CSRNP1: variants seen among roughly 807,000 people sequenced by gnomAD.
CSRNP1 encodes the protein cysteine and serine rich nuclear protein 1.
In CSRNP1, 8 loss-of-function variants were observed where a neutral mutation model predicts 25.0. The ratio of observed to expected loss-of-function variants is 0.32; its 90% CI spans 0.19 to 0.58. The LOEUF is 0.58. Ranked by LOEUF, CSRNP1 falls within the 20% of genes least tolerant of loss-of-function variation. The pLI is 0.88. For missense variants in CSRNP1, 691 were observed against 773.1 expected (o/e 0.89, Z 1.26); for synonymous variants, 305 against 303.1 (o/e 1.01, Z -0.06).
intron 1 of CSRNP1, chr3:39,149,244 T>A (rs2125888071): frequency 6.6e-6 from 1 of 152,020 alleles, no homozygotes; most frequent in South Asian, 2.1e-4. Flanking sequence ...AAGGCAGAAC[T>A]ACTCTGTGAT....
intron 2 of CSRNP1, among the ~76,000 whole-genome samples, chr3:39,145,827 ATT>A (rs2039500871): frequency 6.6e-6 from 1 of 152,252 alleles, no homozygotes. Flanking sequence ...TAAAAATTAT[ATT>A]CTTTTTATGT....
intron 2 of CSRNP1, among the ~76,000 whole-genome samples, chr3:39,145,654 T>C (rs1199052542): frequency 3.3e-5 from 5 of 152,260 alleles, no homozygotes; most frequent in African/African-American, 1.2e-4. Context: ...TAGTAAGCTA[T>C]GTACTGGTAT....
chr3:39,153,196 T>G (rs529456786), intron 1 of CSRNP1: 1 of 151,846 alleles, frequency 6.6e-6, no homozygotes, highest in East Asian at 2.0e-4. Flanking sequence ...AGCCGTGACT[T>G]CTCTCGGGGT....
chr3:39,152,072 G>A (rs146834546), intron 1 of CSRNP1: 1 of 152,610 alleles, frequency 6.6e-6, no homozygotes, highest in African/African-American at 2.4e-5. Flanking sequence ...CCCTCTTGAA[G>A]CTCTGAATTG....
intron 3 of CSRNP1, 35 bp downstream of exon 3, chr3:39,144,962 C>T (rs771491132): frequency 1.3e-6 from 2 of 1,571,182 alleles, no homozygotes; most frequent in Admixed American, 3.5e-5. Context: ...CAGGAGCTGC[C>T]TCAGGAGGTG....
rs2039462389 is a variant in CSRNP1, at chr3:39,143,963, T to C, written c.862A>G (p.Arg288Gly). ...PMGRVEFNQARVQTHFIHTLT... is the reference protein window; with the variant it reads ...PMGRVEFNQAGVQTHFIHTLT... Reference sequence around the variant, plus strand: ...GTGTGGATGAAATGGGTCTGAACTCTTGCCTGATTAAATTCCACACGGCCC... The same window carrying C: ...GTGTGGATGAAATGGGTCTGAACTCCTGCCTGATTAAATTCCACACGGCCC... Residue 288 changes from arginine to glycine, a missense_variant, in exon 5 of 5, where the codon AGA becomes GGA. Physicochemically the swap from Arg to Gly is moderately radical, Grantham distance 125 (BLOSUM62 -2). Coordinates refer to ENST00000273153, the MANE Select transcript of CSRNP1 (RefSeq NM_033027.4). 1.9e-6 allele frequency: 3 copies of C among 1,614,144 alleles called. No individual in the cohort carries two copies. The highest frequency in any genetic ancestry group is 2.5e-6 in the Non-Finnish European group (3 of 1,180,018).
intron 3 of CSRNP1, 93 bp downstream of exon 3, chr3:39,144,904 C>T: frequency 7.1e-7 from 1 of 1,409,994 alleles, no homozygotes; most frequent in Non-Finnish European, 9.5e-7. Flanking sequence ...CCATAATGAG[C>T]AAGTCAGCAC....
At position 39,143,503 on chromosome 3, in the gene CSRNP1, G is replaced by A. The variant is rs868216305; in HGVS notation, c.1322C>T (p.Thr441Ile). Residue 441 changes from threonine (T) to isoleucine (I), a missense_variant, in exon 5 of 5, where the codon ACC (threonine) becomes ATC (isoleucine). Thr to Ile is a moderately conservative substitution (Grantham distance 89). Coordinates refer to ENST00000273153, the MANE Select transcript of CSRNP1 (RefSeq NM_033027.4). The stretch of plus-strand genomic sequence containing the variant: ...GAAGCTACAGCCAGAATAGCTGTGG[G>A]TCCAGCTGGCCAGGCCACCAGGGTC... ...TSDPGGLASWTHSYSGCSFTS... is the reference protein window; with the variant it reads ...TSDPGGLASWIHSYSGCSFTS... 6.2e-7 allele frequency: 1 copy of A among 1,614,114 alleles called. No individual in the cohort carries two copies. The highest frequency in any genetic ancestry group is 1.3e-5 in the African/African-American group (1 of 75,056).
chr3:39,146,863 T>G, intron 1 of CSRNP1, 141 bp from the exon 2 acceptor site: 1 of 1,159,686 alleles, frequency 8.6e-7, no homozygotes, highest in Non-Finnish European at 1.2e-6. Context: ...TGTGGAGCTC[T>G]GTGTGGGGGA....
chr3:39,142,992 A>C lies in CSRNP1; in HGVS notation c.*63T>G. 6.6e-7 allele frequency: 1 copy of C among 1,512,130 alleles called. No homozygotes were observed. Among genetic ancestry groups the C allele is most frequent in the Admixed American group, 2.2e-5 (1 of 44,854 alleles). The allele number at this position is 1,512,130 out of a possible 1,614,324, so 93.7% of individuals were successfully genotyped here. On this transcript the variant is annotated 3_prime_UTR_variant, in exon 5 of 5. Coordinates refer to ENST00000273153, the MANE Select transcript of CSRNP1 (RefSeq NM_033027.4). ...GGAGACTGTTACGCAGACTCTGGGG[A>C]GCCCCATAATTACAAGAAAGCAGCA...
chr3:39,144,021 A>G lies in CSRNP1; in HGVS notation c.804T>C (p.Cys268=), dbSNP rs534181248. ...KCQMDHTAFP[C]GCCREGCENP... ...TCTCACAGCCCTCCCTGCAGCAGCC[A>G]CAGGGGAATGCTGTGTGGTCCATCT... is the stretch of plus-strand genomic sequence containing the variant. Residue 268 remains cysteine (C), a synonymous_variant, in exon 5 of 5, where the codon TGT becomes TGC. Coordinates refer to ENST00000273153, the MANE Select transcript of CSRNP1 (RefSeq NM_033027.4). 1.2e-6 allele frequency: 2 copies of G among 1,612,584 alleles called. No individual in the cohort carries two copies. The highest frequency in any genetic ancestry group is 4.5e-5 in the East Asian group (2 of 44,876).
chr3:39,152,246 G>C (rs961721850), intron 1 of CSRNP1: 5 of 152,372 alleles, frequency 3.3e-5, no homozygotes, highest in African/African-American at 1.2e-4. Context: ...AGCACAGTGT[G>C]ATCGGAGGAG....
Position 39,143,531 on chromosome 3 carries a change from T to C in CSRNP1, c.1294A>G (p.Ser432Gly). 1.2e-6 allele frequency: 2 copies of C among 1,614,204 alleles called. No individual in the cohort carries two copies. Among genetic ancestry groups the C allele is most frequent in the East Asian group, 2.2e-5 (1 of 44,878 alleles). ...CAGCTGGCCAGGCCACCAGGGTCACTAGTACCAAAGATGTCAGCTGGATGG... is the reference window on the plus strand; with the variant it reads ...CAGCTGGCCAGGCCACCAGGGTCACCAGTACCAAAGATGTCAGCTGGATGG... ...CFHPADIFGT[S>G]DPGGLASWTH... is the part of the protein sequence containing the mutation. The change falls in exon 5 of 5, where the codon AGT becomes GGT. Residue 432 changes from serine (S) to glycine (G), a missense_variant. By Grantham distance (56) the Ser-to-Gly change is moderately conservative. Coordinates refer to ENST00000273153, the MANE Select transcript of CSRNP1 (RefSeq NM_033027.4).
Position 39,143,906 on chromosome 3 carries a change from C to T in CSRNP1, c.919G>A (p.Glu307Lys), listed in dbSNP as rs747675173. 2.5e-6 allele frequency: 4 copies of T among 1,614,110 alleles called. No homozygotes were observed. The highest frequency in any genetic ancestry group is 3.4e-6 in the Non-Finnish European group (4 of 1,180,046). The change falls in exon 5 of 5, where the codon GAG becomes AAG. Residue 307 changes from glutamate to lysine, a missense_variant. Transcript: ENST00000273153. ...GGGGCCTCCAGCTCCCTAAAGCTCT[C>T]AGCCTCCTGTTCCAACTGCAGGCGG... ...LTRLQLEQEAESFRELEAPAQ... is the reference protein window; with the variant it reads ...LTRLQLEQEAKSFRELEAPAQ...
chr3:39,151,689 AG>A (rs1376717159), intron 1 of CSRNP1: 1 of 152,338 alleles, frequency 6.6e-6, no homozygotes, highest in Non-Finnish European at 1.5e-5. Flanking sequence ...TCCTGGGAGA[AG>A]GGGAGGGCAC....
Position 39,143,835 on chromosome 3 carries a change from A to G in CSRNP1, c.990T>C (p.Pro330=). 6.2e-7 allele frequency: 1 copy of G among 1,614,194 alleles called. No individual in the cohort carries two copies. Among genetic ancestry groups the G allele is most frequent in the Non-Finnish European group, 8.5e-7 (1 of 1,180,012 alleles). The change falls in exon 5 of 5, where the codon CCT becomes CCC. Residue 330 remains proline (P), a synonymous_variant. Transcript: ENST00000273153. ...TGGGGGGCTTGGCCAGTGGGAAAGT[A>G]GGGACCAGGGCCTCCTCACCAGGGC... The part of the protein sequence containing the change: ...PPSPGEEALV[P]TFPLAKPPMN...
At chr3:39,145,785 G>A (rs2039499933) in intron 2 of CSRNP1, among the ~76,000 whole-genome samples, 1 of 152,068 alleles carries the variant, frequency 6.6e-6, no homozygotes, top group Non-Finnish European at 1.5e-5. Context: ...CTTCTAAAAG[G>A]TTTTCTGTTT....
At chr3:39,150,216 A>G (rs2039562390) in intron 1 of CSRNP1, 2 of 152,206 alleles carry the variant, frequency 1.3e-5, no homozygotes, top group Non-Finnish European at 2.9e-5. Context: ...TAGCAGCCCA[A>G]AGGAAAACAG....
At chr3:39,153,386 GC>G in intron 1 of CSRNP1, 51 bp downstream of exon 1, 1 of 222,340 alleles carries the variant, frequency 4.5e-6, no homozygotes, top group South Asian at 3.5e-5. Context: ...CGCGCTGAAT[GC>G]CCCCTCCCCA....
Sources: allele counts gnomAD v4.1 joint callset (sites outside exome capture counted in the v4.1 genomes callset), GRCh38; gene constraint gnomAD v4.1.1; transcripts MANE v1.5; gene names NCBI Gene and HGNC (gene_info 2026-07-23, HGNC 2026-07-21).